Variants in CCDC88C observed in about 807,000 individuals in gnomAD.
The protein encoded by CCDC88C is coiled-coil and HOOK domain protein 88C.
In CCDC88C, 131 loss-of-function variants were observed where a neutral mutation model predicts 198.8. The ratio of observed to expected loss-of-function variants is 0.66; its 90% CI spans 0.57 to 0.76. The LOEUF (loss-of-function observed/expected upper bound fraction) is 0.76, where lower values mean the gene tolerates loss of function less well. CCDC88C is among the 30% of genes least tolerant of loss of function. The probability of loss-of-function intolerance (pLI) is 0.00; values close to 1 mark genes in which losing one functional copy is unlikely to be tolerated. For synonymous variants in CCDC88C, 1,166 were observed against 1,114.7 expected (o/e 1.05, Z -0.92); for missense variants, 2,553 against 2,631.6 (o/e 0.97, Z 0.65).
At chr14:91,290,394 A>T (rs1169631814) in intron 24 of CCDC88C, among the ~76,000 whole-genome samples, 1 of 152,248 alleles carries the variant, frequency 6.6e-6, no homozygotes, top group Non-Finnish European at 1.5e-5. Flanking sequence ...AGTGATTTTG[A>T]CTTCAAGGCT....
rs749044163 is a variant in CCDC88C, at chr14:91,338,482, G to T, written c.891+7C>A. 6.4e-6 allele frequency: 10 copies of T among 1,560,000 alleles called. No individual in the cohort carries two copies. In the Admixed American group the frequency reaches 1.1e-4, roughly 18 times the overall value. ...CCAGGACACACAGGCTCAGGCCCCC[G>T]ACTCACCTCCTGCTTAACTTTCTGC... On this transcript the variant is annotated splice_region_variant and intron_variant, in intron 9 of 29. Transcript: ENST00000389857. This position sits in a 1 kb window ranked among gnomAD's most constrained non-coding sequence, Gnocchi z 4.8.
At chr14:91,382,170 C>T (rs1009105741) in intron 3 of CCDC88C, among the ~76,000 whole-genome samples, 5 of 152,234 alleles carry the variant, frequency 3.3e-5, no homozygotes, top group South Asian at 4.1e-4. Context: ...GTGTATGGAG[C>T]GCTACTGTCC....
intron 3 of CCDC88C, among the ~76,000 whole-genome samples, chr14:91,365,426 G>A (rs186000589): frequency 2.0e-5 from 3 of 152,236 alleles, no homozygotes; most frequent in African/African-American, 7.2e-5. Flanking sequence ...CCTGGGGCTT[G>A]TAGATGAAGC....
At chr14:91,317,704 C>T (rs1892161439) in intron 13 of CCDC88C, among the ~76,000 whole-genome samples, 1 of 152,194 alleles carries the variant, frequency 6.6e-6, no homozygotes, top group African/African-American at 2.4e-5. Flanking sequence ...AAACAGCGGC[C>T]CCTCCCTTCC....
intron 4 of CCDC88C, among the ~76,000 whole-genome samples, chr14:91,346,755 T>C (rs1893560510): frequency 6.6e-6 from 1 of 152,084 alleles, no homozygotes; most frequent in South Asian, 2.1e-4. Context: ...AAAAATTAGC[T>C]GGGCGTGGTG....
chr14:91,376,884 C>T (rs1403168482), intron 3 of CCDC88C, among the ~76,000 whole-genome samples: 2 of 152,226 alleles, frequency 1.3e-5, no homozygotes, highest in Non-Finnish European at 2.9e-5. Context: ...GCCACAGCCC[C>T]GGCCACCCAG....
At chr14:91,399,617 C>A (rs1886051148) in intron 3 of CCDC88C, among the ~76,000 whole-genome samples, 1 of 152,108 alleles carries the variant, frequency 6.6e-6, no homozygotes, top group South Asian at 2.1e-4. Flanking sequence ...GCAGGTGGAT[C>A]ATCTGAGGTC....
In CCDC88C at chr14:91,272,865, C is replaced by T; in HGVS notation, c.5847G>A (p.Glu1949=). ...CCCGGACAGGGGTGATGGTGGCCAC[C>T]TCCCCTGAGCGTGGGGGCGCCTTGG... is the stretch of plus-strand genomic sequence containing the variant. The part of the protein sequence containing the change: ...TKPKAPPRSG[E]VATITPVRAG... Residue 1949 remains glutamate (E), a synonymous_variant, in exon 30 of 30, where the codon GAG becomes GAA. Coordinates refer to ENST00000389857, the MANE Select transcript of CCDC88C (RefSeq NM_001080414.4). The T allele has an allele frequency of 1.3e-6, 2 of 1,591,332 alleles. No individual in the cohort carries two copies. The highest frequency in any genetic ancestry group is 1.1e-5 in the South Asian group (1 of 89,458).
chr14:91,309,726 T>C, intron 16 of CCDC88C, 133 bp downstream of exon 16: 1 of 866,344 alleles, frequency 1.2e-6, no homozygotes, highest in Non-Finnish European at 1.6e-6. Context: ...AACTTTGGGT[T>C]CAAGGAACCG....
chr14:91,396,428 T>C (rs1885848871), intron 3 of CCDC88C, among the ~76,000 whole-genome samples: 1 of 152,172 alleles, frequency 6.6e-6, no homozygotes, highest in African/African-American at 2.4e-5. Context: ...GTTTAGGGTA[T>C]GTCCATAAAG....
chr14:91,328,902 G>A (rs1297011438), intron 10 of CCDC88C, among the ~76,000 whole-genome samples: 2 of 152,192 alleles, frequency 1.3e-5, no homozygotes, highest in Non-Finnish European at 2.9e-5. Context: ...CCCCTGAGGA[G>A]CACACAGCAC....
intron 23 of CCDC88C, among the ~76,000 whole-genome samples, chr14:91,293,166 C>T (rs1232114321): frequency 4.9e-5 from 7 of 143,108 alleles, no homozygotes; most frequent in South Asian, 2.3e-4. Context: ...CATAGCCCAC[C>T]TTCCCATCCT....
At position 91,387,977 on chromosome 14, in the gene CCDC88C, A is replaced by T. The variant is rs76294495; in HGVS notation, c.270+20682T>A. Among the ~76,000 whole-genome samples the T allele has an allele frequency of 2.4e-3, 366 of 152,268 alleles. 1 individual carries two copies. The highest frequency in any genetic ancestry group is 8.4e-3 in the African/African-American group (349 of 41,566). On this transcript the variant is annotated intron_variant, in intron 3 of 29. Transcript: ENST00000389857. ...CAGTTAAATCAGAAACCCTCACTCT[A>T]CAAGGGGTGGGGTCCAGACAATGCA... is the stretch of plus-strand genomic sequence containing the variant.
intron 3 of CCDC88C, among the ~76,000 whole-genome samples, chr14:91,363,220 C>A (rs894667682): frequency 2.0e-5 from 3 of 151,758 alleles, no homozygotes; most frequent in Non-Finnish European, 4.4e-5. Context: ...TTTAATTAAG[C>A]CAATATAACC....
intron 13 of CCDC88C, 141 bp from the exon 14 acceptor site, chr14:91,315,928 G>C: frequency 2.5e-6 from 2 of 786,160 alleles, no homozygotes; most frequent in East Asian, 2.7e-5. Context: ...TCATTCTGTA[G>C]CAACTCCCCA....
chr14:91,293,454 CCACCTTCCCATCCTCACCTGCCACAGCT>C (rs1890811004), intron 23 of CCDC88C, among the ~76,000 whole-genome samples: 4 of 1,060 alleles, frequency 3.8e-3, no homozygotes, highest in Admixed American at 0.027. Context: ...CTGCCACGGT[CCACCTTCCCATCCTCACCTGCCACAGCT>C]CACCTTCCCA....
At chr14:91,409,489 TC>T (rs571172675) in intron 2 of CCDC88C, among the ~76,000 whole-genome samples, 1 of 104,770 alleles carries the variant, frequency 9.5e-6, no homozygotes, top group Non-Finnish European at 1.9e-5. Context: ...ACGGTACATT[TC>T]TTTTTTTTTT....
intron 1 of CCDC88C, 105 bp downstream of exon 1, chr14:91,417,526 C>A: frequency 1.9e-6 from 2 of 1,047,096 alleles, no homozygotes; most frequent in Non-Finnish European, 2.7e-6. Flanking sequence ...CCTCGCGCCC[C>A]GGAGCCACCC....
intron 15 of CCDC88C, among the ~76,000 whole-genome samples, chr14:91,311,328 G>T: frequency 6.6e-6 from 1 of 152,234 alleles, no homozygotes; most frequent in East Asian, 1.9e-4. Context: ...TGCCTGCATG[G>T]ATCGTCAGTC....
Sources: allele counts gnomAD v4.1 joint callset (sites outside exome capture counted in the v4.1 genomes callset), GRCh38; gene constraint gnomAD v4.1.1; non-coding constraint Gnocchi (gnomAD v3.1); transcripts MANE v1.5; gene names NCBI Gene and HGNC (gene_info 2026-07-23, HGNC 2026-07-21).